Variants in GABRB2 observed in about 807,000 individuals in gnomAD.
GABRB2 encodes gamma-aminobutyric acid type A receptor subunit beta2.
A neutral mutation model predicts 54.7 loss-of-function variants in GABRB2; 16 were observed. The ratio of observed to expected loss-of-function variants is 0.29; its 90% confidence interval spans 0.20 to 0.44. GABRB2 has a LOEUF of 0.44. GABRB2 is among the 20% of genes least tolerant of loss of function. The pLI, the probability that GABRB2 is intolerant of heterozygous loss-of-function variation, is 1.00. For missense variants in GABRB2, 355 were observed against 644.0 expected (o/e 0.55, Z 4.86); for synonymous variants, 244 against 233.8 (o/e 1.04, Z -0.40).
At chr5:161,346,239 C>T (rs934522190) in intron 5 of GABRB2, among the ~76,000 whole-genome samples, 3 of 152,078 alleles carry the variant, frequency 2.0e-5, no homozygotes, top group African/African-American at 7.2e-5. Context: ...GGCCATGACC[C>T]TCTGATAATA....
At chr5:161,492,970 T>G (rs541030441) in intron 3 of GABRB2, among the ~76,000 whole-genome samples, 5 of 151,936 alleles carry the variant, frequency 3.3e-5, no homozygotes, top group African/African-American at 1.2e-4. Context: ...TTACAAATAA[T>G]GCTAGAACAA....
intron 3 of GABRB2, among the ~76,000 whole-genome samples, chr5:161,492,500 G>A (rs571131791): frequency 2.6e-5 from 4 of 151,714 alleles, no homozygotes; most frequent in African/African-American, 9.6e-5. Context: ...ACGTCACACG[G>A]CTACCAGGGT....
chr5:161,542,332 T>A (rs1360447260), intron 3 of GABRB2, among the ~76,000 whole-genome samples: 1 of 152,220 alleles, frequency 6.6e-6, no homozygotes, highest in East Asian at 1.9e-4. Flanking sequence ...CTTGCTCATT[T>A]CAAGGTTGCC....
chr5:161,325,698 A>T (rs1580980712), intron 9 of GABRB2, among the ~76,000 whole-genome samples: 1 of 152,186 alleles, frequency 6.6e-6, no homozygotes. Context: ...TTGGAGGGCA[A>T]TATGAATGAC....
intron 5 of GABRB2, among the ~76,000 whole-genome samples, chr5:161,396,761 A>T (rs1481492205): frequency 6.6e-6 from 1 of 152,184 alleles, no homozygotes; most frequent in Non-Finnish European, 1.5e-5. Context: ...AATATACTCA[A>T]TTTTATTTGT....
At chr5:161,369,524 GGA>G (rs1755070309) in intron 5 of GABRB2, among the ~76,000 whole-genome samples, 1 of 145,234 alleles carries the variant, frequency 6.9e-6, no homozygotes, top group African/African-American at 2.7e-5. Context: ...GAGAGAGAGA[GGA>G]GGAGAGGGAG....
intron 3 of GABRB2, among the ~76,000 whole-genome samples, chr5:161,472,498 A>T (rs1017850464): frequency 2.0e-5 from 3 of 151,434 alleles, no homozygotes; most frequent in Non-Finnish European, 3.0e-5. Context: ...TATTTGGGAC[A>T]TACATAAAAT....
At chr5:161,452,115 T>C (rs1193926884) in intron 4 of GABRB2, among the ~76,000 whole-genome samples, 2 of 152,322 alleles carry the variant, frequency 1.3e-5, no homozygotes, top group Non-Finnish European at 2.9e-5. Flanking sequence ...CAAAAACATG[T>C]CATCAATTGG....
chr5:161,429,425 G>C, intron 4 of GABRB2, among the ~76,000 whole-genome samples: 1 of 150,686 alleles, frequency 6.6e-6, no homozygotes, highest in East Asian at 1.9e-4. Flanking sequence ...CCATTGCAGA[G>C]AAAATGAGCT....
chr5:161,449,962 T>C (rs1043563488), intron 4 of GABRB2, among the ~76,000 whole-genome samples: 1 of 152,202 alleles, frequency 6.6e-6, no homozygotes, highest in African/African-American at 2.4e-5. Context: ...GAATGTACTA[T>C]GTATATCAAT....
At chr5:161,495,516 C>T (rs1759210399) in intron 3 of GABRB2, among the ~76,000 whole-genome samples, 1 of 151,472 alleles carries the variant, frequency 6.6e-6, no homozygotes, top group South Asian at 2.1e-4. Context: ...AATTTGAAAA[C>T]GTTTGCCCCA....
intron 4 of GABRB2, among the ~76,000 whole-genome samples, chr5:161,449,755 C>A (rs555836099): frequency 3.0e-4 from 45 of 151,804 alleles, no homozygotes; most frequent in African/African-American, 1.0e-3. Context: ...TATATATACA[C>A]CTATACCTAT....
chr5:161,396,086 C>T (rs970597371), intron 5 of GABRB2, among the ~76,000 whole-genome samples: 1 of 152,124 alleles, frequency 6.6e-6, no homozygotes, highest in Non-Finnish European at 1.5e-5. Flanking sequence ...TTCTATGTGG[C>T]ATATTGTGCT....
chr5:161,541,475 T>C (rs1013989851), intron 3 of GABRB2, among the ~76,000 whole-genome samples: 2 of 152,228 alleles, frequency 1.3e-5, no homozygotes, highest in African/African-American at 4.8e-5. Context: ...CTCTCTTATC[T>C]AATAAAGTCT....
chr5:161,444,314 A>G (rs1757551140), intron 4 of GABRB2, among the ~76,000 whole-genome samples: 1 of 152,174 alleles, frequency 6.6e-6, no homozygotes, highest in Admixed American at 6.6e-5. Flanking sequence ...GTCATATAAC[A>G]TTTGATTATC....
intron 4 of GABRB2, among the ~76,000 whole-genome samples, chr5:161,425,648 T>G (rs1372830033): frequency 6.6e-6 from 1 of 152,130 alleles, no homozygotes; most frequent in African/African-American, 2.4e-5. Flanking sequence ...TTTGCTTTAT[T>G]GCAGTGGTCT....
chr5:161,436,114 G>T (rs1357817776), intron 4 of GABRB2, among the ~76,000 whole-genome samples: 1 of 152,178 alleles, frequency 6.6e-6, no homozygotes, highest in East Asian at 1.9e-4. Context: ...TAGGAACATT[G>T]CTTAATCTTT....
chr5:161,524,669 C>T (rs571279893), intron 3 of GABRB2, among the ~76,000 whole-genome samples: 1 of 151,392 alleles, frequency 6.6e-6, no homozygotes, highest in Non-Finnish European at 1.5e-5. Context: ...GAAAAAAATT[C>T]TTTAAAATAG....
intron 5 of GABRB2, among the ~76,000 whole-genome samples, chr5:161,384,842 T>C (rs1224443373): frequency 6.6e-6 from 1 of 152,184 alleles, no homozygotes; most frequent in Non-Finnish European, 1.5e-5. Context: ...CCTGCCTACA[T>C]CCCCATTCTT....
Sources: gnomAD v4.1 joint callset for allele counts (sites outside exome capture counted in the v4.1 genomes callset) on GRCh38, gnomAD v4.1.1 for gene constraint, MANE v1.5 for transcripts, NCBI Gene and HGNC (gene_info 2026-07-23, HGNC 2026-07-21) for gene names.